IGF2BP3: variants seen among roughly 807,000 people sequenced by gnomAD.
IGF2BP3 encodes insulin-like growth factor 2 mRNA-binding protein 3.
A neutral mutation model predicts 73.8 loss-of-function variants in IGF2BP3; 9 were observed. The observed-to-expected ratio is 0.12, with a 90% CI of 0.07 to 0.21. IGF2BP3 has a LOEUF of 0.21. IGF2BP3 is among the 10% of genes least tolerant of loss of function. The probability of loss-of-function intolerance (pLI) is 1.00; values close to 1 mark genes in which losing one functional copy is unlikely to be tolerated. For synonymous variants in IGF2BP3, 258 were observed against 256.7 expected (o/e 1.01, Z -0.05); for missense variants, 542 against 714.0 (o/e 0.76, Z 2.75).
intron 3 of IGF2BP3, among the ~76,000 whole-genome samples, chr7:23,368,854 G>A (rs1043526596): frequency 6.6e-6 from 1 of 150,728 alleles, no homozygotes; most frequent in Non-Finnish European, 1.5e-5. Flanking sequence ...CTGAGATGGC[G>A]CCATTGCACT....
intron 10 of IGF2BP3, among the ~76,000 whole-genome samples, chr7:23,341,226 T>C (rs1390925146): frequency 6.6e-6 from 1 of 152,080 alleles, no homozygotes; most frequent in African/African-American, 2.4e-5. Context: ...ACACACAATA[T>C]AATTGTGCAC....
chr7:23,350,978 G>C (rs1272196273), intron 6 of IGF2BP3, among the ~76,000 whole-genome samples: 1 of 152,154 alleles, frequency 6.6e-6, no homozygotes, highest in Non-Finnish European at 1.5e-5. Flanking sequence ...AACAATGAGG[G>C]CAGGTGGGGG....
intron 2 of IGF2BP3, among the ~76,000 whole-genome samples, chr7:23,453,159 A>T (rs564778105): frequency 1.3e-5 from 2 of 152,248 alleles, no homozygotes; most frequent in African/African-American, 4.8e-5. Context: ...ACAAATAAAC[A>T]TGGGTTCTTG....
chr7:23,441,082 A>AT (rs1474150585), intron 2 of IGF2BP3, among the ~76,000 whole-genome samples: 2 of 152,136 alleles, frequency 1.3e-5, no homozygotes, highest in Admixed American at 6.6e-5. Flanking sequence ...TACTTGAAGT[A>AT]TTTTTTGGTC....
chr7:23,376,731 G>A (rs1260035738), intron 3 of IGF2BP3, among the ~76,000 whole-genome samples: 1 of 152,032 alleles, frequency 6.6e-6, no homozygotes, highest in East Asian at 1.9e-4. Flanking sequence ...ACCTGGGAAT[G>A]GTGGTGCATG....
intron 2 of IGF2BP3, among the ~76,000 whole-genome samples, chr7:23,425,048 C>A (rs1037108923): frequency 3.9e-5 from 6 of 152,196 alleles, no homozygotes; most frequent in Admixed American, 2.6e-4. Context: ...TCAACATAAC[C>A]ACAACAGCAT....
chr7:23,432,986 A>T (rs568780452), intron 2 of IGF2BP3, among the ~76,000 whole-genome samples: 284 of 152,336 alleles, frequency 1.9e-3, no homozygotes, highest in African/African-American at 6.7e-3. Flanking sequence ...CCACAGAAAC[A>T]CACGCAGTTG....
chr7:23,384,628 T>C (rs1208313725), intron 3 of IGF2BP3, among the ~76,000 whole-genome samples: 3 of 152,058 alleles, frequency 2.0e-5, no homozygotes, highest in African/African-American at 2.4e-5. Context: ...AGGTGGCTCA[T>C]ACTGTAATCC....
At chr7:23,366,166 C>G (rs1280781210) in intron 3 of IGF2BP3, among the ~76,000 whole-genome samples, 1 of 150,312 alleles carries the variant, frequency 6.7e-6, no homozygotes, top group African/African-American at 2.5e-5. Flanking sequence ...TAGACAGAGT[C>G]TCACTCTATC....
At chr7:23,312,640 A>C (rs1433992123) in intron 14 of IGF2BP3, 95 bp downstream of exon 14, 1 of 1,003,476 alleles carries the variant, frequency 1.0e-6, no homozygotes, top group Non-Finnish European at 1.5e-6. Context: ...CTTAAGCATC[A>C]AACAACCTTA....
chr7:23,342,345 C>T (rs1784734278), intron 9 of IGF2BP3, among the ~76,000 whole-genome samples, 156 bp from the exon 10 acceptor site: 1 of 152,120 alleles, frequency 6.6e-6, no homozygotes, highest in Non-Finnish European at 1.5e-5. Context: ...TTGAGTACAT[C>T]GTTTACATCT....
chr7:23,326,090 T>C (rs926808972), intron 10 of IGF2BP3, among the ~76,000 whole-genome samples: 9 of 152,058 alleles, frequency 5.9e-5, no homozygotes, highest in Non-Finnish European at 8.8e-5. Flanking sequence ...CTAAAGAGCT[T>C]CTGCACAGCA....
At chr7:23,313,278 G>A (rs1023340218) in intron 13 of IGF2BP3, among the ~76,000 whole-genome samples, 4 of 152,186 alleles carry the variant, frequency 2.6e-5, no homozygotes, top group African/African-American at 9.7e-5. Flanking sequence ...TCAGGAGAAC[G>A]TTAAATGCCC....
intron 2 of IGF2BP3, among the ~76,000 whole-genome samples, chr7:23,435,612 C>T (rs1378698793): frequency 3.9e-5 from 6 of 151,906 alleles, no homozygotes; most frequent in Non-Finnish European, 8.8e-5. Flanking sequence ...CCCACCACCA[C>T]GCCCGGCTAA....
At chr7:23,445,252 T>A (rs1788032625) in intron 2 of IGF2BP3, among the ~76,000 whole-genome samples, 1 of 152,224 alleles carries the variant, frequency 6.6e-6, no homozygotes, top group African/African-American at 2.4e-5. Flanking sequence ...GTGCACTGTT[T>A]TTCTAAAACC....
intron 2 of IGF2BP3, among the ~76,000 whole-genome samples, chr7:23,459,603 T>C (rs1788397381): frequency 6.6e-6 from 1 of 151,832 alleles, no homozygotes; most frequent in Non-Finnish European, 1.5e-5. Flanking sequence ...GAGGCCGAGG[T>C]GGGCAAATCA....
chr7:23,463,206 T>G (rs1788489750), intron 2 of IGF2BP3, among the ~76,000 whole-genome samples: 2 of 152,228 alleles, frequency 1.3e-5, no homozygotes, highest in African/African-American at 4.8e-5. Flanking sequence ...TAGTTATTGC[T>G]AGAAAAGTTG....
At chr7:23,397,085 C>T (rs1786500317) in intron 3 of IGF2BP3, among the ~76,000 whole-genome samples, 1 of 152,192 alleles carries the variant, frequency 6.6e-6, no homozygotes, top group Admixed American at 6.6e-5. Context: ...CCCCATACCT[C>T]TGCCTTATAT....
intron 8 of IGF2BP3, among the ~76,000 whole-genome samples, chr7:23,344,436 T>C (rs1784784537): frequency 6.6e-6 from 1 of 152,216 alleles, no homozygotes; most frequent in South Asian, 2.1e-4. Context: ...GGAATATCAA[T>C]CCATCTTGAC....
Sources: allele counts gnomAD v4.1 joint callset (sites outside exome capture counted in the v4.1 genomes callset), GRCh38; gene constraint gnomAD v4.1.1; transcripts MANE v1.5; gene names NCBI Gene and HGNC (gene_info 2026-07-23, HGNC 2026-07-21).